Variants in SLC8A3 observed in about 807,000 individuals in gnomAD.
SLC8A3 encodes the protein sodium/calcium exchanger 3.
A neutral mutation model predicts 65.4 loss-of-function variants in SLC8A3; 37 were observed. The observed-to-expected ratio is 0.57, with a 90% CI of 0.44 to 0.74. The LOEUF is 0.74. SLC8A3 is among the 30% of genes least tolerant of loss of function. The pLI, the probability that SLC8A3 is intolerant of heterozygous loss-of-function variation, is 0.00. For missense variants in SLC8A3, 1,112 were observed against 1,172.1 expected, an observed-to-expected ratio of 0.95 and a Z score of 0.75; for synonymous variants, 461 against 444.5, an observed-to-expected ratio of 1.04 and a Z score of -0.47.
intron 2 of SLC8A3, among the ~76,000 whole-genome samples, chr14:70,105,342 T>C (rs1225162164): frequency 6.6e-6 from 1 of 151,554 alleles, no homozygotes; most frequent in Non-Finnish European, 1.5e-5. Context: ...TAAGAAAAAA[T>C]AAAATAAAAT....
chr14:70,131,447 T>C (rs1006167410), intron 2 of SLC8A3, among the ~76,000 whole-genome samples: 9 of 152,212 alleles, frequency 5.9e-5, no homozygotes, highest in Non-Finnish European at 1.2e-4. Context: ...TGTTTCTTCA[T>C]CATTGAGGCG....
chr14:70,125,932 A>G lies in SLC8A3; in HGVS notation c.1784+40707T>C, dbSNP rs549174361. Among the ~76,000 whole-genome samples the G allele has an allele frequency of 2.6e-5, 4 of 152,334 alleles. No individual in the cohort carries two copies. In the East Asian group the frequency reaches 7.7e-4, roughly 29 times the overall value. On this transcript the variant is annotated intron_variant, in intron 2 of 6. Transcript: ENST00000356921. ...ATCACAGAAGTCCTGGCTTTACTGA[A>G]TAGCTGTATGATCATGAACAAATCA...
chr14:70,052,355 C>T (rs569443019), intron 3 of SLC8A3, among the ~76,000 whole-genome samples: 1 of 152,282 alleles, frequency 6.6e-6, no homozygotes, highest in East Asian at 1.9e-4. Flanking sequence ...GGTGGACAAC[C>T]TGACCTAAAC....
At chr14:70,185,805 G>C (rs140417570) in intron 1 of SLC8A3, among the ~76,000 whole-genome samples, 1 of 152,144 alleles carries the variant, frequency 6.6e-6, no homozygotes, top group Non-Finnish European at 1.5e-5. Context: ...TTTAATGGGC[G>C]TCTTTAAATT....
intron 2 of SLC8A3, among the ~76,000 whole-genome samples, chr14:70,107,599 T>C (rs552137063): frequency 1.3e-5 from 2 of 152,134 alleles, no homozygotes; most frequent in East Asian, 1.9e-4. Context: ...TCCAGTGGGG[T>C]CCTAACACAA....
chr14:70,048,830 T>C lies in SLC8A3; in HGVS notation c.2326A>G (p.Thr776Ala). Residue 776 changes from threonine (T) to alanine (A), a missense_variant, in exon 6 of 7, where the codon ACC becomes GCC. Transcript: ENST00000356921. ...IGDLASHFGC[T>A]IGLKDSVTAV... ...GTGACTGAATCTTTGAGACCAATGG[T>C]GCAGCCGAAGTGCGAGGCCAGGTCC... The C allele has an allele frequency of 6.2e-7, 1 of 1,614,110 alleles. No homozygotes were observed.
At chr14:70,163,251 T>C (rs1014731330) in intron 2 of SLC8A3, among the ~76,000 whole-genome samples, 9 of 152,230 alleles carry the variant, frequency 5.9e-5, no homozygotes, top group African/African-American at 1.9e-4. Context: ...AAAAACCTGG[T>C]ACTCAGAAAA....
intron 2 of SLC8A3, among the ~76,000 whole-genome samples, chr14:70,144,662 C>T (rs1245892063): frequency 6.6e-6 from 1 of 151,636 alleles, no homozygotes; most frequent in African/African-American, 2.4e-5. Context: ...ATTAAATCTT[C>T]AAGATTTGGC....
chr14:70,098,509 G>A (rs1892342416), intron 2 of SLC8A3, among the ~76,000 whole-genome samples: 1 of 152,198 alleles, frequency 6.6e-6, no homozygotes, highest in Non-Finnish European at 1.5e-5. Context: ...GAAGAGGGCA[G>A]GGAAGCAGGT....
intron 2 of SLC8A3, among the ~76,000 whole-genome samples, chr14:70,149,239 G>A (rs1429978695): frequency 6.6e-6 from 1 of 152,184 alleles, no homozygotes; most frequent in Admixed American, 6.5e-5. Context: ...CAAATATAGG[G>A]ATGAAAAAGA....
In SLC8A3 at chr14:70,045,669, G is replaced by C. The variant is rs944981498; in HGVS notation, c.*278C>G. The C allele has an allele frequency of 3.0e-6, 1 of 334,594 alleles. No homozygotes were observed. Among genetic ancestry groups the C allele is most frequent in the East Asian group, 4.6e-5 (1 of 21,858 alleles). The allele number at this position is 334,594 out of a possible 1,614,324, so 20.7% of individuals were successfully genotyped here. A position where few individuals can be genotyped will look rare whatever the true frequency, so the allele number is the denominator to read the frequency against. On this transcript the variant is annotated 3_prime_UTR_variant, in exon 7 of 7. Coordinates refer to ENST00000356921, the MANE Select transcript of SLC8A3 (RefSeq NM_182932.3). The stretch of plus-strand genomic sequence containing the variant: ...GCTCTGACCTTTGCTTTGGGTCAGG[G>C]ATATGAGGGGGAGATGGGGTGGAGG...
chr14:70,157,949 A>G (rs1429866898), intron 2 of SLC8A3, among the ~76,000 whole-genome samples: 1 of 152,220 alleles, frequency 6.6e-6, no homozygotes, highest in African/African-American at 2.4e-5. Context: ...CAAAGAAATC[A>G]TAGATCAGAG....
At chr14:70,174,017 T>A (rs961130473) in intron 1 of SLC8A3, among the ~76,000 whole-genome samples, 1 of 152,234 alleles carries the variant, frequency 6.6e-6, no homozygotes, top group Non-Finnish European at 1.5e-5. Context: ...ATCACCACAC[T>A]TGTTTTAGAG....
At chr14:70,178,717 T>C (rs1448156635) in intron 1 of SLC8A3, among the ~76,000 whole-genome samples, 2 of 152,236 alleles carry the variant, frequency 1.3e-5, no homozygotes, top group Non-Finnish European at 2.9e-5. Context: ...TTGAAGATCA[T>C]TTCTGCCTGG....
At chr14:70,141,216 C>A (rs773937950) in intron 2 of SLC8A3, among the ~76,000 whole-genome samples, 2 of 152,178 alleles carry the variant, frequency 1.3e-5, no homozygotes, top group Non-Finnish European at 2.9e-5. Context: ...TTAGCTTTAA[C>A]TAACATTTGG....
chr14:70,139,896 C>T (rs1895453398), intron 2 of SLC8A3, among the ~76,000 whole-genome samples: 1 of 152,136 alleles, frequency 6.6e-6, no homozygotes, highest in Admixed American at 6.5e-5. Context: ...TGTGACAACC[C>T]CAGGCATCTC....
In SLC8A3 at chr14:70,167,308, T is replaced by C. The variant is rs752459240; in HGVS notation, c.1115A>G (p.His372Arg). The C allele has an allele frequency of 3.1e-6, 5 of 1,614,096 alleles. No homozygotes were observed. In the Admixed American group the frequency reaches 6.7e-5, roughly 22 times the overall value. ...GGCCTTCTTGGCTTGTTCTGCTGCA[T>C]GTTTCTTCAGGATATTGCCTGCACC... ...MTGAGNILKK[H>R]AAEQAKKASS... Residue 372 changes from histidine (H) to arginine (R), a missense_variant, in exon 2 of 7, where the codon CAT becomes CGT. Coordinates refer to ENST00000356921, the MANE Select transcript of SLC8A3 (RefSeq NM_182932.3).
chr14:70,121,112 T>C (rs759366235), intron 2 of SLC8A3, among the ~76,000 whole-genome samples: 9 of 152,098 alleles, frequency 5.9e-5, no homozygotes, highest in Non-Finnish European at 1.2e-4. Flanking sequence ...CCCATATCAG[T>C]TCAAAAAATA....
At chr14:70,137,553 G>A (rs1160514074) in intron 2 of SLC8A3, among the ~76,000 whole-genome samples, 3 of 152,134 alleles carry the variant, frequency 2.0e-5, no homozygotes, top group African/African-American at 2.4e-5. Flanking sequence ...TTCCTAATTC[G>A]CAATTTGTGA....
Sources: gnomAD v4.1 joint callset for allele counts (sites outside exome capture counted in the v4.1 genomes callset) on GRCh38, gnomAD v4.1.1 for gene constraint, MANE v1.5 for transcripts, NCBI Gene and HGNC (gene_info 2026-07-23, HGNC 2026-07-21) for gene names.